The following MKLN1 variants were observed in gnomAD, a reference collection of about 807,000 sequenced individuals.
MKLN1 encodes muskelin 1.
Under a neutral mutation model 99.0 loss-of-function variants are expected in MKLN1, and 18 were observed. The observed-to-expected ratio is 0.18, with a 90% CI of 0.13 to 0.27. The LOEUF is 0.27. Ranked by LOEUF, MKLN1 falls within the 10% of genes least tolerant of loss-of-function variation. The pLI, the probability that MKLN1 is intolerant of heterozygous loss-of-function variation, is 1.00. For missense variants in MKLN1, 621 were observed against 875.9 expected (o/e 0.71, Z 3.67); for synonymous variants, 288 against 293.2 (o/e 0.98, Z 0.18).
chr7:131,432,343 T>C (rs549937338), intron 9 of MKLN1, among the ~76,000 whole-genome samples: 1 of 152,354 alleles, frequency 6.6e-6, no homozygotes, highest in Non-Finnish European at 1.5e-5. Context: ...TTTTATACCA[T>C]ATACATATGT....
chr7:131,367,219 A>T (rs1800209291), intron 1 of MKLN1, among the ~76,000 whole-genome samples: 1 of 152,218 alleles, frequency 6.6e-6, no homozygotes, highest in Admixed American at 6.5e-5. Flanking sequence ...CAGCATTGGT[A>T]AGAATGAAAA....
chr7:131,235,557 C>T (rs539149582), intron 3 of MKLN1, among the ~76,000 whole-genome samples: 2 of 152,168 alleles, frequency 1.3e-5, no homozygotes, highest in African/African-American at 4.8e-5. Context: ...CTCCATATGA[C>T]GATTTGTTAC....
intron 2 of MKLN1, among the ~76,000 whole-genome samples, chr7:131,385,808 C>G (rs573082164): frequency 1.3e-5 from 2 of 152,026 alleles, no homozygotes; most frequent in African/African-American, 4.8e-5. Flanking sequence ...ATATTTTCTC[C>G]CATTCTATAG....
At chr7:131,480,767 A>G (rs1448607547) in intron 17 of MKLN1, among the ~76,000 whole-genome samples, 1 of 152,208 alleles carries the variant, frequency 6.6e-6, no homozygotes, top group Non-Finnish European at 1.5e-5. Context: ...TGATACATGA[A>G]TTGGGGGTCT....
At chr7:131,427,177 T>A (rs1795382354) in intron 8 of MKLN1, among the ~76,000 whole-genome samples, 1 of 152,228 alleles carries the variant, frequency 6.6e-6, no homozygotes, top group African/African-American at 2.4e-5. Flanking sequence ...AGCATTTTTT[T>A]ATTTCCCGTG....
intron 3 of MKLN1, among the ~76,000 whole-genome samples, chr7:131,235,760 A>G (rs1429744961): frequency 6.6e-6 from 1 of 152,204 alleles, no homozygotes; most frequent in East Asian, 1.9e-4. Context: ...GAGCTGGTAC[A>G]ATGGGATTGT....
chr7:131,129,014 T>TA (rs1450369655), intron 1 of MKLN1, among the ~76,000 whole-genome samples: 1 of 149,678 alleles, frequency 6.7e-6, no homozygotes, highest in Non-Finnish European at 1.5e-5. Context: ...AAACAACTCA[T>TA]ACACTTACAA....
intron 17 of MKLN1, chr7:131,478,925 AAC>A (rs2116677257): frequency 1.9e-6 from 1 of 533,190 alleles, no homozygotes; most frequent in South Asian, 2.3e-5. Context: ...TAGCAATAGA[AAC>A]ACAGTCAAAA....
intron 15 of MKLN1, among the ~76,000 whole-genome samples, chr7:131,468,198 T>G (rs1316023156): frequency 1.3e-5 from 2 of 152,216 alleles, no homozygotes; most frequent in Non-Finnish European, 2.9e-5. Context: ...AAGAAAGCAG[T>G]CGAGGATGAC....
intron 1 of MKLN1, among the ~76,000 whole-genome samples, chr7:131,333,807 G>A (rs1002002898): frequency 6.6e-6 from 1 of 152,066 alleles, no homozygotes; most frequent in African/African-American, 2.4e-5. Flanking sequence ...CAAAGTGTTG[G>A]GATTACAGCC....
intron 1 of MKLN1, among the ~76,000 whole-genome samples, chr7:131,343,665 T>C (rs1799473617): frequency 6.6e-6 from 1 of 152,206 alleles, no homozygotes; most frequent in South Asian, 2.1e-4. Flanking sequence ...TGTACTACTC[T>C]GTAAAAAATT....
At chr7:131,134,283 C>T (rs1283190574) in intron 1 of MKLN1, among the ~76,000 whole-genome samples, 1 of 152,194 alleles carries the variant, frequency 6.6e-6, no homozygotes, top group African/African-American at 2.4e-5. Context: ...CTGTCCCACT[C>T]TCATGCCCCA....
At chr7:131,229,907 A>G (rs1039670145) in intron 3 of MKLN1, among the ~76,000 whole-genome samples, 4 of 152,224 alleles carry the variant, frequency 2.6e-5, no homozygotes, top group Non-Finnish European at 4.4e-5. Flanking sequence ...GAGATTCTCT[A>G]CAGATGCAGG....
intron 1 of MKLN1, among the ~76,000 whole-genome samples, chr7:131,139,077 A>C: frequency 6.6e-6 from 1 of 151,416 alleles, no homozygotes; most frequent in African/African-American, 2.4e-5. Context: ...CCTCATTATC[A>C]CCCCCAACCA....
rs151268638 is a variant in MKLN1 at position 131,222,185 on chromosome 7, G to A, written c.-179+19211G>A. ...CTGGGATTACAGGCCACTGTGCCTG[G>A]CCTCTAAGTATTTTTAAATATTAAC... On this transcript the variant is annotated intron_variant, in intron 3 of 7. Transcript: ENST00000416992. Among the ~76,000 whole-genome samples, 28 of 152,264 alleles carry A rather than the reference G, an allele frequency of 1.8e-4. No homozygotes were observed. In the East Asian group the frequency reaches 5.4e-3, roughly 29 times the overall value.
At chr7:131,388,814 A>G in intron 3 of MKLN1, 70 bp from the exon 4 acceptor site, 2 of 971,344 alleles carry the variant, frequency 2.1e-6, no homozygotes, top group East Asian at 5.1e-5. Context: ...CTGAGTGTGC[A>G]TTAATTCGTG....
At chr7:131,381,438 A>G (rs114236660) in intron 2 of MKLN1, among the ~76,000 whole-genome samples, 2,214 of 152,330 alleles carry the variant, frequency 0.015, 48 homozygotes, top group African/African-American at 0.05. Context: ...GATGATCCAG[A>G]ATTAACAGCA....
intron 2 of MKLN1, among the ~76,000 whole-genome samples, chr7:131,380,373 A>T (rs1793807906): frequency 6.6e-6 from 1 of 152,322 alleles, no homozygotes; most frequent in Middle Eastern, 3.4e-3. Context: ...TGAAAGGAAA[A>T]AAGGAGATGA....
intron 8 of MKLN1, among the ~76,000 whole-genome samples, chr7:131,418,643 C>T (rs1563338523): frequency 6.6e-6 from 1 of 152,236 alleles, no homozygotes; most frequent in Non-Finnish European, 1.5e-5. Context: ...GTAGAGCCAG[C>T]AGGATGGCAG....
Sources: allele counts gnomAD v4.1 joint callset (sites outside exome capture counted in the v4.1 genomes callset), GRCh38; gene constraint gnomAD v4.1.1; transcripts MANE v1.5; gene names NCBI Gene and HGNC (gene_info 2026-07-23, HGNC 2026-07-21).